SLC25A3: variants seen among roughly 807,000 people sequenced by gnomAD.
SLC25A3 encodes solute carrier family 25 member 3.
SLC25A3 carries 14 observed loss-of-function variants against 37.1 expected under a neutral mutation model. The observed-to-expected ratio is 0.38, with a 90% CI of 0.25 to 0.59. SLC25A3 has a LOEUF of 0.59. SLC25A3 is among the 20% of genes least tolerant of loss of function. SLC25A3 has a pLI of 0.67. For synonymous variants in SLC25A3, 161 were observed against 168.7 expected, an observed-to-expected ratio of 0.95 and a Z score of 0.36; for missense variants, 385 against 458.1, an observed-to-expected ratio of 0.84 and a Z score of 1.46.
chr12:98,600,454 C>G (rs1260665976), intron 6 of SLC25A3, among the ~76,000 whole-genome samples: 4 of 152,092 alleles, frequency 2.6e-5, no homozygotes, highest in African/African-American at 9.7e-5. Context: ...CCCTTGTTGC[C>G]CAGGCTGGAG....
rs113881450 is a variant in SLC25A3 at position 98,600,420 on chromosome 12, G to GT, written c.814+302dup. ...CGGCTGATTTTTGTTTTTGTTTTTT[G>GT]TTTTTTTTTGAGATGGAGTTTTACC... On this transcript the variant is annotated intron_variant, in intron 6 of 7. Coordinates refer to ENST00000552981, the MANE Select transcript of SLC25A3 (RefSeq NM_002635.4). Among the ~76,000 whole-genome samples, 613 of 148,336 alleles carry GT rather than the reference G, an allele frequency of 4.1e-3. 4 individuals are homozygous for GT. Among genetic ancestry groups the GT allele is most frequent in the African/African-American group, 0.013 (523 of 40,292 alleles).
At chr12:98,598,799 A>G (rs2097595265) in intron 5 of SLC25A3, 96 bp downstream of exon 5, 1 of 1,191,476 alleles carries the variant, frequency 8.4e-7, no homozygotes, top group Non-Finnish European at 1.2e-6. Context: ...TTTTTGAGAC[A>G]AAGTCTCGCT....
rs1592977081 is a variant in SLC25A3, at chr12:98,597,963, C to T, written c.387C>T (p.Tyr129=). 1 of 1,614,038 alleles carries T rather than the reference C, an allele frequency of 6.2e-7. No homozygotes were observed. The highest frequency in any genetic ancestry group is 8.5e-7 in the Non-Finnish European group (1 of 1,179,908). ...AKGWAPTFLG[Y]SMQGLCKFGF... ...GATGGGCTCCGACTTTCCTTGGCTACTCCATGCAGGGACTCTGCAAGTTTG... is the reference window on the plus strand; with the variant it reads ...GATGGGCTCCGACTTTCCTTGGCTATTCCATGCAGGGACTCTGCAAGTTTG... The change falls in exon 4 of 8, where the codon TAC becomes TAT. Residue 129 remains tyrosine (Y), a synonymous_variant. Coordinates refer to ENST00000552981, the MANE Select transcript of SLC25A3 (RefSeq NM_002635.4).
intron 2 of SLC25A3, 164 bp downstream of exon 2, chr12:98,594,299 AG>A: frequency 1.4e-6 from 1 of 717,856 alleles, no homozygotes; most frequent in Non-Finnish European, 2.5e-6. Flanking sequence ...TTTCCACCAT[AG>A]GCGGGTGTCA....
rs866124654 is a variant in SLC25A3, at chr12:98,606,030, T to G, written c.*4502T>G. On this transcript the variant is annotated 3_prime_UTR_variant, in exon 8 of 8. Transcript: ENST00000552981. ...CTTAGGAAGCTGAAGGAGGATCGTC[T>G]GAGCCCAGGAGTTTGAGGCTGCAAT... is the stretch of plus-strand genomic sequence containing the variant. The G allele has an allele frequency of 3.9e-5, 6 of 152,054 alleles. No homozygotes were observed. 9.4% of individuals were successfully genotyped at this position (152,054 alleles called of 1,614,324 possible).
At chr12:98,600,961 C>T (rs2097597365) in intron 6 of SLC25A3, 2 of 500,130 alleles carry the variant, frequency 4.0e-6, no homozygotes, top group Non-Finnish European at 3.5e-6. Flanking sequence ...GAATTTTATA[C>T]AGAAAGTGTT....
At chr12:98,595,596 G>T in intron 2 of SLC25A3, 131 bp from the exon 3 acceptor site, 2 of 1,613,480 alleles carry the variant, frequency 1.2e-6, no homozygotes, top group South Asian at 2.2e-5. Flanking sequence ...ATTGAAGCAT[G>T]ACTGACTGTT....
At chr12:98,595,899 T>C in intron 3 of SLC25A3, 51 bp downstream of exon 3, 1 of 1,511,498 alleles carries the variant, frequency 6.6e-7, no homozygotes. Flanking sequence ...GACTTAACTC[T>C]AAATAAAATC....
In SLC25A3 at chr12:98,603,778, A is replaced by G. The variant is rs182715076; in HGVS notation, c.*2250A>G. The G allele has an allele frequency of 3.3e-5, 5 of 152,318 alleles. No homozygotes were observed. Among genetic ancestry groups the G allele is most frequent in the Non-Finnish European group, 7.3e-5 (5 of 68,032 alleles). 9.4% of individuals were successfully genotyped at this position (152,318 alleles called of 1,614,324 possible). ...TCAAAGCTATTTCTGAGAGAAAGCC[A>G]CTTCATCCTCAAAACCCAAGAGGCC... On this transcript the variant is annotated 3_prime_UTR_variant, in exon 8 of 8. Coordinates refer to ENST00000552981, the MANE Select transcript of SLC25A3 (RefSeq NM_002635.4).
chr12:98,598,420 T>G, intron 4 of SLC25A3, 102 bp from the exon 5 acceptor site: 5 of 1,581,174 alleles, frequency 3.2e-6, no homozygotes, highest in East Asian at 2.2e-5. Flanking sequence ...CGTGTGTTAC[T>G]TTATAAAATG....
chr12:98,603,708 T>G lies in SLC25A3; in HGVS notation c.*2180T>G, dbSNP rs2097599539. On this transcript the variant is annotated 3_prime_UTR_variant, in exon 8 of 8. Coordinates refer to ENST00000552981, the MANE Select transcript of SLC25A3 (RefSeq NM_002635.4). ...GTGGGCATTGATACAAAATACGCTGTGTTCAAGCTATGGAGCCTGCCACTG... is the reference window on the plus strand; with the variant it reads ...GTGGGCATTGATACAAAATACGCTGGGTTCAAGCTATGGAGCCTGCCACTG... 1 of 152,184 alleles carries G rather than the reference T, an allele frequency of 6.6e-6. No individual in the cohort carries two copies. Among genetic ancestry groups the G allele is most frequent in the African/African-American group, 2.4e-5 (1 of 41,440 alleles). 9.4% of individuals were successfully genotyped at this position (152,184 alleles called of 1,614,324 possible). A position where few individuals can be genotyped will look rare whatever the true frequency, so the allele number is the denominator to read the frequency against.
chr12:98,603,205 A>C lies in SLC25A3; in HGVS notation c.*1677A>C, dbSNP rs2097599186. ...TGTGGGTGAAGAACTCGGGAGTATCAGACTCTTCTGGTTCTGAGTCTCATG... is the reference window on the plus strand; with the variant it reads ...TGTGGGTGAAGAACTCGGGAGTATCCGACTCTTCTGGTTCTGAGTCTCATG... On this transcript the variant is annotated 3_prime_UTR_variant, in exon 8 of 8. Coordinates refer to ENST00000552981, the MANE Select transcript of SLC25A3 (RefSeq NM_002635.4). 1 of 152,116 alleles carries C rather than the reference A, an allele frequency of 6.6e-6. No individual in the cohort carries two copies. Among genetic ancestry groups the C allele is most frequent in the African/African-American group, 2.4e-5 (1 of 41,402 alleles). The allele number at this position is 152,116 out of a possible 1,614,324, so 9.4% of individuals were successfully genotyped here. A position where few individuals can be genotyped will look rare whatever the true frequency, so the allele number is the denominator to read the frequency against.
chr12:98,595,043 G>T (rs759740947), intron 2 of SLC25A3: 4 of 263,090 alleles, frequency 1.5e-5, no homozygotes, highest in African/African-American at 6.7e-5. Context: ...GGATAGTATT[G>T]GTTAGTGGCT....
chr12:98,597,589 A>C (rs1281384719), intron 3 of SLC25A3: 6 of 397,364 alleles, frequency 1.5e-5, no homozygotes, highest in Non-Finnish European at 2.3e-5. Context: ...ATGCCCGTCC[A>C]ATTTTTTGTA....
At chr12:98,598,861 C>T (rs1220125803) in intron 5 of SLC25A3, among the ~76,000 whole-genome samples, 158 bp downstream of exon 5, 4 of 151,646 alleles carry the variant, frequency 2.6e-5, no homozygotes, top group South Asian at 2.1e-4. Flanking sequence ...CTGCAAGCTC[C>T]GCCTCCCGGG....
chr12:98,602,475 C>T lies in SLC25A3; in HGVS notation c.*947C>T, dbSNP rs1389814325. On this transcript the variant is annotated 3_prime_UTR_variant, in exon 8 of 8. Coordinates refer to ENST00000552981, the MANE Select transcript of SLC25A3 (RefSeq NM_002635.4). ...CACCGTGCCCGGCTCTGACTTTTTA[C>T]AGAAAATTGAACTATTTTCAGTCTG... 2 of 152,148 alleles carry T rather than the reference C, an allele frequency of 1.3e-5. No homozygotes were observed. The highest frequency in any genetic ancestry group is 6.5e-5 in the Admixed American group (1 of 15,272). 9.4% of individuals were successfully genotyped at this position (152,148 alleles called of 1,614,324 possible). A position where few individuals can be genotyped will look rare whatever the true frequency, so the allele number is the denominator to read the frequency against.
In SLC25A3 at chr12:98,601,291, TG is replaced by T. The variant is rs756349356; in HGVS notation, c.925+11del. 4 of 1,614,162 alleles carry T rather than the reference TG, an allele frequency of 2.5e-6. No homozygotes were observed. In the East Asian group the frequency reaches 8.9e-5, roughly 36 times the overall value. The stretch of plus-strand genomic sequence containing the variant: ...AGACTTGGATTTAAAGGTAGGATGA[TG>T]TTTTTTTCTTGAAAGAAAGAACAAC... On this transcript the variant is annotated intron_variant, in intron 7 of 7. Transcript: ENST00000552981.
intron 6 of SLC25A3, 188 bp from the exon 7 acceptor site, chr12:98,600,983 G>GA: frequency 1.7e-6 from 1 of 590,448 alleles, no homozygotes; most frequent in East Asian, 3.3e-5. Flanking sequence ...AATAAAATCT[G>GA]AAAAACTTTA....
intron 2 of SLC25A3, chr12:98,595,449 CTA>C (rs1565829212): frequency 6.2e-7 from 1 of 1,613,306 alleles, no homozygotes; most frequent in Non-Finnish European, 8.5e-7. Flanking sequence ...ATAGCTGTGA[CTA>C]TGGATCTGGC....
Sources: gnomAD v4.1 joint callset for allele counts (sites outside exome capture counted in the v4.1 genomes callset) on GRCh38, gnomAD v4.1.1 for gene constraint, MANE v1.5 for transcripts, NCBI Gene and HGNC (gene_info 2026-07-23, HGNC 2026-07-21) for gene names.